Variants in CSMD1 observed in about 807,000 individuals in gnomAD.
CSMD1 encodes CUB and sushi domain-containing protein 1.
A neutral mutation model predicts 417.5 loss-of-function variants in CSMD1; 213 were observed. The observed-to-expected ratio is 0.51, with a 90% CI of 0.46 to 0.57. The LOEUF (loss-of-function observed/expected upper bound fraction) is 0.57, where lower values mean the gene tolerates loss of function less well. CSMD1 is among the 20% of genes least tolerant of loss of function. The pLI, the probability that CSMD1 is intolerant of heterozygous loss-of-function variation, is 0.00. For missense variants in CSMD1, 6,923 were observed against 4,529.7 expected (o/e 1.53, Z -15.17); for synonymous variants, 2,862 against 1,736.8 (o/e 1.65, Z -16.11).
chr8:4,039,216 A>T (rs956689312), intron 3 of CSMD1, among the ~76,000 whole-genome samples: 12 of 152,100 alleles, frequency 7.9e-5, no homozygotes, highest in Non-Finnish European at 1.5e-4. Flanking sequence ...GTTTCTCTCC[A>T]TTTCTCTACA....
chr8:4,569,907 G>T (rs1384455491), intron 2 of CSMD1, among the ~76,000 whole-genome samples: 1 of 152,156 alleles, frequency 6.6e-6, no homozygotes, highest in Non-Finnish European at 1.5e-5. Flanking sequence ...TGTAGCAATT[G>T]TGAGTGGGTG....
chr8:4,839,836 G>A (rs1800731695), intron 1 of CSMD1, among the ~76,000 whole-genome samples: 1 of 152,162 alleles, frequency 6.6e-6, no homozygotes, highest in African/African-American at 2.4e-5. Context: ...TAGTAAAGTT[G>A]ATGTTTGCAT....
intron 3 of CSMD1, among the ~76,000 whole-genome samples, chr8:4,082,066 T>A (rs1328489821): frequency 3.9e-5 from 6 of 152,208 alleles, no homozygotes; most frequent in African/African-American, 1.4e-4. Context: ...AGGGGAAAGA[T>A]TAATTGATGA....
rs577887951 is a variant in CSMD1, at chr8:3,255,465, G to A, written c.4154-25234C>T. On this transcript the variant is annotated intron_variant, in intron 26 of 69. Coordinates refer to ENST00000635120, the MANE Select transcript of CSMD1 (RefSeq NM_033225.6). ...TTGTTGTCTGTGCCCTGCCCCCAGA[G>A]GTGGAGCCTACAGAGGCAGGCAGGC... 2.6e-5 allele frequency among the ~76,000 whole-genome samples: 4 copies of A among 152,344 alleles called. No homozygotes were observed. In the East Asian group the frequency reaches 7.7e-4, roughly 29 times the overall value.
At chr8:4,394,197 G>A (rs75267666) in intron 3 of CSMD1, among the ~76,000 whole-genome samples, 3,920 of 152,198 alleles carry the variant, frequency 0.026, 154 homozygotes, top group African/African-American at 0.09. Context: ...GTATACTTCT[G>A]AGACAAGTGC....
Position 3,489,394 on chromosome 8 carries a change from C to G in CSMD1, c.1448+4229G>C, listed in dbSNP as rs144440014. ...TTTTAAAACTGTAACCTGTGCCTGC[C>G]ACCCACAGAACGTCCTGAATTAATG... is the stretch of plus-strand genomic sequence containing the variant. On this transcript the variant is annotated intron_variant, in intron 11 of 69. Coordinates refer to ENST00000635120, the MANE Select transcript of CSMD1 (RefSeq NM_033225.6). Among the ~76,000 whole-genome samples, 855 of 152,294 alleles carry G rather than the reference C, an allele frequency of 5.6e-3. 5 individuals carry two copies. Among genetic ancestry groups the G allele is most frequent in the Non-Finnish European group, 8.6e-3 (586 of 68,034 alleles).
At chr8:3,349,476 G>T (rs143487937) in intron 21 of CSMD1, among the ~76,000 whole-genome samples, 331 of 151,924 alleles carry the variant, frequency 2.2e-3, no homozygotes, top group African/African-American at 7.2e-3. Context: ...GACATCCTGG[G>T]TTCACTTCTC....
At chr8:3,911,620 C>A (rs990906362) in intron 5 of CSMD1, among the ~76,000 whole-genome samples, 3 of 151,976 alleles carry the variant, frequency 2.0e-5, no homozygotes, top group South Asian at 2.1e-4. Context: ...CCATCCAATT[C>A]GATTAATAAC....
At chr8:4,873,553 T>C (rs76282343) in intron 1 of CSMD1, among the ~76,000 whole-genome samples, 1 of 152,134 alleles carries the variant, frequency 6.6e-6, no homozygotes, top group Non-Finnish European at 1.5e-5. Flanking sequence ...TAAGAACATA[T>C]GATACTTCAA....
chr8:3,240,661 A>G lies in CSMD1; in HGVS notation c.4154-10430T>C, dbSNP rs552095650. Reference sequence around the variant, plus strand: ...CCAAGAGAAAGTGAAGAGAGGCTGGAATGAAAGGCGCAAAGGAATAGTAAA... The same window carrying G: ...CCAAGAGAAAGTGAAGAGAGGCTGGGATGAAAGGCGCAAAGGAATAGTAAA... On this transcript the variant is annotated intron_variant, in intron 26 of 69. Coordinates refer to ENST00000635120, the MANE Select transcript of CSMD1 (RefSeq NM_033225.6). 5.5e-3 allele frequency among the ~76,000 whole-genome samples: 836 copies of G among 152,148 alleles called. 6 individuals carry two copies. The highest frequency in any genetic ancestry group is 0.019 in the African/African-American group (779 of 41,498).
intron 50 of CSMD1, among the ~76,000 whole-genome samples, chr8:3,033,179 G>C (rs139845124): frequency 6.6e-6 from 1 of 151,960 alleles, no homozygotes; most frequent in Admixed American, 6.6e-5. Flanking sequence ...ACCAAACTTC[G>C]ATTTTTAAAT....
At position 4,562,866 on chromosome 8, in the gene CSMD1, C is replaced by G. The variant is rs75526920; in HGVS notation, c.302+74476G>C. Among the ~76,000 whole-genome samples, 528 of 152,220 alleles carry G rather than the reference C, an allele frequency of 3.5e-3. 2 individuals are homozygous for G. Among genetic ancestry groups the G allele is most frequent in the African/African-American group, 0.012 (505 of 41,536 alleles). On this transcript the variant is annotated intron_variant, in intron 2 of 69. Transcript: ENST00000635120. ...AATTCAAATGCCTCCAAAATACCCA[C>G]AAAAACCTTAGTAAGTAACCTCCTT... is the stretch of plus-strand genomic sequence containing the variant.
chr8:4,055,646 A>G (rs1352649310), intron 3 of CSMD1, among the ~76,000 whole-genome samples: 1 of 152,132 alleles, frequency 6.6e-6, no homozygotes, highest in Non-Finnish European at 1.5e-5. Context: ...TTAAAACAGA[A>G]ACTGTTTAAT....
At chr8:4,591,465 C>A (rs1304974855) in intron 2 of CSMD1, among the ~76,000 whole-genome samples, 1 of 152,160 alleles carries the variant, frequency 6.6e-6, no homozygotes, top group Admixed American at 6.6e-5. Flanking sequence ...AGCAAATGAG[C>A]AGAGCTATCG....
chr8:4,373,469 A>G (rs1447316480), intron 3 of CSMD1, among the ~76,000 whole-genome samples: 3 of 152,212 alleles, frequency 2.0e-5, no homozygotes, highest in Non-Finnish European at 1.5e-5. Context: ...AAATGTTCCC[A>G]TAAATCTAAA....
rs542552780 is a variant in CSMD1, at chr8:3,611,162, G to C, written c.1097+5548C>G. Among the ~76,000 whole-genome samples the C allele has an allele frequency of 6.6e-5, 10 of 151,620 alleles. 1 individual carries two copies. In the South Asian group the frequency reaches 1.3e-3, roughly 19 times the overall value. ...ACGAGTTAATGGCTGCAGCACACCA[G>C]CATGGCACATGTATACATACGTAAC... On this transcript the variant is annotated intron_variant, in intron 8 of 69. Coordinates refer to ENST00000635120, the MANE Select transcript of CSMD1 (RefSeq NM_033225.6).
chr8:4,891,372 T>C lies in CSMD1; in HGVS notation c.85+102960A>G, dbSNP rs755504582. The stretch of plus-strand genomic sequence containing the variant: ...AGTGAATTAGAGAGCATTTTATTCA[T>C]TGAATAACTTGACCCTTGATCAGGT... On this transcript the variant is annotated intron_variant, in intron 1 of 69. Coordinates refer to ENST00000635120, the MANE Select transcript of CSMD1 (RefSeq NM_033225.6). Among the ~76,000 whole-genome samples the C allele has an allele frequency of 1.1e-4, 16 of 152,194 alleles. 1 individual carries two copies. The highest frequency in any genetic ancestry group is 1.5e-4 in the Non-Finnish European group (10 of 68,036).
At chr8:4,873,833 T>G (rs1414573559) in intron 1 of CSMD1, among the ~76,000 whole-genome samples, 2 of 152,122 alleles carry the variant, frequency 1.3e-5, no homozygotes, top group Non-Finnish European at 2.9e-5. Flanking sequence ...TGTTTTATAT[T>G]TTACTCTATA....
At chr8:3,418,695 G>C (rs1028746498) in intron 12 of CSMD1, among the ~76,000 whole-genome samples, 2 of 152,132 alleles carry the variant, frequency 1.3e-5, no homozygotes, top group Admixed American at 6.6e-5. Flanking sequence ...ACCAGAGCAA[G>C]AGAAATCTAC....
Sources: allele counts gnomAD v4.1 joint callset (sites outside exome capture counted in the v4.1 genomes callset), GRCh38; gene constraint gnomAD v4.1.1; transcripts MANE v1.5; gene names NCBI Gene and HGNC (gene_info 2026-07-23, HGNC 2026-07-21).